DYNC2H1: variants seen among roughly 807,000 people sequenced by gnomAD.
DYNC2H1 encodes the protein cytoplasmic dynein 2 heavy chain 1.
In DYNC2H1, 410 loss-of-function variants were observed where a neutral mutation model predicts 570.0. That is an observed-to-expected ratio of 0.72 (90% CI 0.66 to 0.78). The LOEUF (loss-of-function observed/expected upper bound fraction) is 0.78, where lower values mean the gene tolerates loss of function less well. Ranked by LOEUF, DYNC2H1 falls within the 30% of genes least tolerant of loss-of-function variation. The pLI, the probability that DYNC2H1 is intolerant of heterozygous loss-of-function variation, is 0.00. For synonymous variants in DYNC2H1, 1,688 were observed against 1,677.6 expected (o/e 1.01, Z -0.15); for missense variants, 4,865 against 5,046.4 (o/e 0.96, Z 1.09).
intron 82 of DYNC2H1, among the ~76,000 whole-genome samples, chr11:103,353,901 G>A (rs982783351): frequency 1.2e-4 from 18 of 151,754 alleles, no homozygotes; most frequent in African/African-American, 2.2e-4. Flanking sequence ...TCTTTGGGCC[G>A]GGTGCGGTGG....
chr11:103,109,772 A>G lies in DYNC2H1; in HGVS notation c.195+3A>G, dbSNP rs1858020502. Reference sequence around the variant, plus strand: ...CAGGAATCTCCTTTTCCAACACGGTACGGTTCCTTGCACTCCTGCCTGACC... The same window carrying G: ...CAGGAATCTCCTTTTCCAACACGGTGCGGTTCCTTGCACTCCTGCCTGACC... On this transcript the variant is annotated splice_donor_region_variant and intron_variant, in intron 1 of 88. Coordinates refer to ENST00000375735, the MANE Select transcript of DYNC2H1 (RefSeq NM_001377.3). The G allele has an allele frequency of 1.2e-6, 2 of 1,611,192 alleles. No individual in the cohort carries two copies. The highest frequency in any genetic ancestry group is 1.7e-6 in the Non-Finnish European group (2 of 1,178,452).
At chr11:103,366,329 G>T (rs1392894510) in intron 83 of DYNC2H1, among the ~76,000 whole-genome samples, 1 of 152,068 alleles carries the variant, frequency 6.6e-6, no homozygotes, top group Non-Finnish European at 1.5e-5. Context: ...GAGAGTCAAA[G>T]TTAAAGTCTT....
intron 85 of DYNC2H1, among the ~76,000 whole-genome samples, chr11:103,438,442 C>T (rs1389680933): frequency 6.6e-6 from 1 of 152,034 alleles, no homozygotes; most frequent in Non-Finnish European, 1.5e-5. Context: ...ATTAGAAGCA[C>T]TATTTGCAAG....
Position 103,170,953 on chromosome 11 carries a change from T to C in DYNC2H1, c.5219T>C (p.Phe1740Ser). 1.9e-6 allele frequency: 3 copies of C among 1,607,758 alleles called. No individual in the cohort carries two copies. The highest frequency in any genetic ancestry group is 2.2e-5 in the South Asian group (2 of 90,114). Residue 1740 changes from phenylalanine to serine, a missense_variant, in exon 34 of 89, where the codon TTT (phenylalanine) becomes TCT (serine). Around this residue, in one of 5 missense-constraint regions of DYNC2H1, gnomAD observed 292 missense variants for 300.2 expected, o/e 0.97. Coordinates refer to ENST00000375735, the MANE Select transcript of DYNC2H1 (RefSeq NM_001377.3). This position sits in a 1 kb window ranked among gnomAD's most constrained non-coding sequence, Gnocchi z 4.8. ...GLVKCGAWGC[F>S]DEFNRLEESV... Reference sequence around the variant, plus strand: ...GTGAAGTGTGGGGCCTGGGGTTGTTTTGATGAATTTAATAGGCTGGAAGAA... The same window carrying C: ...GTGAAGTGTGGGGCCTGGGGTTGTTCTGATGAATTTAATAGGCTGGAAGAA...
chr11:103,291,004 G>T (rs188435832), intron 75 of DYNC2H1, among the ~76,000 whole-genome samples: 130 of 152,318 alleles, frequency 8.5e-4, no homozygotes, highest in Non-Finnish European at 1.6e-3. Context: ...TCCAAAAGCA[G>T]CCATGGATGG....
intron 39 of DYNC2H1, 121 bp downstream of exon 39, chr11:103,179,354 C>T: frequency 2.3e-6 from 2 of 872,870 alleles, no homozygotes; most frequent in Non-Finnish European, 3.2e-6. Flanking sequence ...TTATGATTAA[C>T]TTCTTTTTTG....
intron 68 of DYNC2H1, among the ~76,000 whole-genome samples, chr11:103,257,033 C>T (rs547000533): frequency 8.5e-5 from 13 of 152,102 alleles, no homozygotes; most frequent in Non-Finnish European, 1.6e-4. Flanking sequence ...TTTGTGTGTC[C>T]TCATCACCCC....
At position 103,134,410 on chromosome 11, in the gene DYNC2H1, A is replaced by G; in HGVS notation, c.2196A>G (p.Val732=). Residue 732 remains valine (V), a synonymous_variant, in exon 15 of 89, where the codon GTA becomes GTG. Coordinates refer to ENST00000375735, the MANE Select transcript of DYNC2H1 (RefSeq NM_001377.3). ...AATTGAGAACTGGCTTAGCAACTGT[A>G]GAAGCACAGGTAGAGTATGTTTTAT... is the stretch of plus-strand genomic sequence containing the variant. ...LQELRTGLAT[V]EAQGFQASDM... is the part of the protein sequence containing the mutation. The G allele has an allele frequency of 1.2e-6, 2 of 1,610,330 alleles. No individual in the cohort carries two copies. Among genetic ancestry groups the G allele is most frequent in the Non-Finnish European group, 1.7e-6 (2 of 1,177,644 alleles).
Position 103,151,698 on chromosome 11 carries a change from T to G in DYNC2H1, c.2947-438T>G, listed in dbSNP as rs1257145085. ...TCTGTTTCTTAAGTACCTTTTTTCA[T>G]GACTTTCCTTCTCTATTAAGTCGGA... is the stretch of plus-strand genomic sequence containing the variant. On this transcript the variant is annotated intron_variant, in intron 20 of 88. Coordinates refer to ENST00000375735, the MANE Select transcript of DYNC2H1 (RefSeq NM_001377.3). The surrounding 1 kb of genome is among the most constrained non-coding windows in gnomAD (Gnocchi z 4.6). Among the ~76,000 whole-genome samples, 1 of 152,212 alleles carries G rather than the reference T, an allele frequency of 6.6e-6. No individual in the cohort carries two copies. The highest frequency in any genetic ancestry group is 1.5e-5 in the Non-Finnish European group (1 of 68,034).
chr11:103,455,285 G>GA lies in DYNC2H1; in HGVS notation c.12559dup (p.Thr4187AsnfsTer11). On this transcript the variant is annotated frameshift_variant, in exon 86 of 89. Coordinates refer to ENST00000375735, the MANE Select transcript of DYNC2H1 (RefSeq NM_001377.3). LOFTEE classifies it high-confidence loss of function. ...CACATTTCTTAATGCTCTTCGCCAG[G>GA]AAACTGCAAGGTAATTAAAATGAAA... 1 of 1,612,902 alleles carries GA rather than the reference G, an allele frequency of 6.2e-7. No individual in the cohort carries two copies. Among genetic ancestry groups the GA allele is most frequent in the Non-Finnish European group, 8.5e-7 (1 of 1,179,230 alleles).
chr11:103,113,117 A>G (rs1858190172), intron 1 of DYNC2H1, among the ~76,000 whole-genome samples: 1 of 152,128 alleles, frequency 6.6e-6, no homozygotes, highest in African/African-American at 2.4e-5. Context: ...AGGGTAATTA[A>G]TTACATTTTG....
In DYNC2H1 at chr11:103,187,560, A is replaced by C; in HGVS notation, c.7114A>C (p.Ser2372Arg). 2 of 1,613,130 alleles carry C rather than the reference A, an allele frequency of 1.2e-6. No homozygotes were observed. The highest frequency in any genetic ancestry group is 1.7e-6 in the Non-Finnish European group (2 of 1,179,356). The change falls in exon 43 of 89, where the codon AGT (serine) becomes CGT (arginine). Residue 2372 changes from serine to arginine, a missense_variant. Physicochemically the swap from Ser to Arg is moderately radical, Grantham distance 110. This residue lies in a region of DYNC2H1 where 2,401 missense variants were observed against 2,454.6 expected (regional missense o/e 0.98). Transcript: ENST00000375735. ...ACCTAAACTTGATAAATGGGGGACCAGTACTTTGGTAGCATTCCTACAACA... is the reference window on the plus strand; with the variant it reads ...ACCTAAACTTGATAAATGGGGGACCCGTACTTTGGTAGCATTCCTACAACA... ...NLPKLDKWGTSTLVAFLQQVL... is the reference protein window; with the variant it reads ...NLPKLDKWGTRTLVAFLQQVL...
chr11:103,165,617 C>T (rs1243073736), intron 30 of DYNC2H1, among the ~76,000 whole-genome samples: 1 of 152,112 alleles, frequency 6.6e-6, no homozygotes, highest in Admixed American at 6.6e-5. Flanking sequence ...AATACAAAGG[C>T]TTTGAGGTTA....
At position 103,133,770 on chromosome 11, in the gene DYNC2H1, A is replaced by G; in HGVS notation, c.2106+63A>G. 1 of 1,436,554 alleles carries G rather than the reference A, an allele frequency of 7.0e-7. No homozygotes were observed. The highest frequency in any genetic ancestry group is 9.3e-7 in the Non-Finnish European group (1 of 1,076,716). The allele number at this position is 1,436,554 out of a possible 1,614,324, so 89.0% of individuals were successfully genotyped here. A position where few individuals can be genotyped will look rare whatever the true frequency, so the allele number is the denominator to read the frequency against. ...ATATTATTTAAAAAGTCATTAAGATACAATTTTTAAAAACTTATTTTGAAA... is the reference window on the plus strand; with the variant it reads ...ATATTATTTAAAAAGTCATTAAGATGCAATTTTTAAAAACTTATTTTGAAA... On this transcript the variant is annotated intron_variant, in intron 14 of 88. Transcript: ENST00000375735. This position sits in a 1 kb window ranked among gnomAD's most constrained non-coding sequence, Gnocchi z 4.8.
chr11:103,216,505 A>G (rs1046369047), intron 55 of DYNC2H1, among the ~76,000 whole-genome samples: 2 of 152,078 alleles, frequency 1.3e-5, no homozygotes, highest in Non-Finnish European at 2.9e-5. Flanking sequence ...GACTTGCTCA[A>G]TTACTGGCAG....
rs574941882 is a variant in DYNC2H1 at position 103,312,141 on chromosome 11, G to A, written c.11649+108G>A. On this transcript the variant is annotated intron_variant, in intron 79 of 88. Coordinates refer to ENST00000375735, the MANE Select transcript of DYNC2H1 (RefSeq NM_001377.3). ...CATGCCTGTAATCCCAGTACTGTGG[G>A]AGGCCAAGGTGGGCGGATCACCTGA... 217 of 1,212,542 alleles carry A rather than the reference G, an allele frequency of 1.8e-4. 1 individual carries two copies. The South Asian group carries it at 2.9e-3, about 16-fold the overall frequency. The allele number at this position is 1,212,542 out of a possible 1,614,324, so 75.1% of individuals were successfully genotyped here. A position where few individuals can be genotyped will look rare whatever the true frequency, so the allele number is the denominator to read the frequency against.
In DYNC2H1 at chr11:103,455,241, C is replaced by A. The variant is rs1379977343; in HGVS notation, c.12512C>A (p.Ser4171Ter). Residue 4171 changes from serine to a stop codon, truncating the protein, a stop_gained, in exon 86 of 89, where the codon TCA becomes TAA. Transcript: ENST00000375735. LOFTEE classifies it high-confidence loss of function. ...CTTCTCTCTGAAACACTTGACCTAT[C>A]AGAACTTTTCCATCCAGACACATTT... ...QALLSETLDLSELFHPDTFLN... is the reference protein window; with the variant it reads ...QALLSETLDL 1.2e-6 allele frequency: 2 copies of A among 1,613,430 alleles called. No individual in the cohort carries two copies. Among genetic ancestry groups the A allele is most frequent in the Non-Finnish European group, 1.7e-6 (2 of 1,179,556 alleles).
chr11:103,160,519 C>T (rs1406659196), intron 28 of DYNC2H1, among the ~76,000 whole-genome samples: 1 of 151,990 alleles, frequency 6.6e-6, no homozygotes, highest in East Asian at 1.9e-4. Context: ...GAGGTTATAA[C>T]ATTTTTCACT....
At chr11:103,198,248 G>A (rs1379217961) in intron 48 of DYNC2H1, among the ~76,000 whole-genome samples, 185 bp downstream of exon 48, 1 of 152,148 alleles carries the variant, frequency 6.6e-6, no homozygotes, top group Non-Finnish European at 1.5e-5. Flanking sequence ...ACATAGATAT[G>A]TGTAAAATTG....
Sources: gnomAD v4.1 joint callset for allele counts (sites outside exome capture counted in the v4.1 genomes callset) on GRCh38, gnomAD v4.1.1 for gene constraint, gnomAD v4.1.1 regional missense constraint, Gnocchi (gnomAD v3.1) non-coding constraint, MANE v1.5 for transcripts, NCBI Gene and HGNC (gene_info 2026-07-23, HGNC 2026-07-21) for gene names.